The following ZNF8 variants were observed in gnomAD, a reference collection of about 807,000 sequenced individuals.
ZNF8 encodes zinc finger protein 272.
A neutral mutation model predicts 12.2 loss-of-function variants in ZNF8; 9 were observed. That is an observed-to-expected ratio of 0.73 (90% CI 0.44 to 1.28). The LOEUF is 1.28. Among genes scored for constraint, ZNF8 ranks in the 50% most tolerant of loss-of-function variants. The pLI is 0.00. For missense variants in ZNF8, 664 were observed against 729.1 expected (o/e 0.91, Z 1.03); for synonymous variants, 274 against 282.3 (o/e 0.97, Z 0.30).
rs775410674 is a variant in ZNF8, at chr19:58,294,984, C to G, written c.1176C>G (p.Thr392=). 3.7e-5 allele frequency: 60 copies of G among 1,613,966 alleles called. No individual in the cohort carries two copies. In the South Asian group the frequency reaches 4.7e-4, roughly 13 times the overall value. Residue 392 remains threonine, a synonymous_variant, in exon 4 of 4, where the codon ACC becomes ACG. Transcript: ENST00000621650. This position sits in a 1 kb window ranked among gnomAD's most constrained non-coding sequence, Gnocchi z 5.5. ...TCLFLHLRTH[T]EERPYECNHC... ...TTTTCCTGCACCTGAGAACTCACAC[C>G]GAGGAGAGGCCCTACGAGTGTAACC...
intron 3 of ZNF8, among the ~76,000 whole-genome samples, chr19:58,291,469 G>A (rs1440754240): frequency 6.6e-6 from 1 of 152,146 alleles, no homozygotes; most frequent in African/African-American, 2.4e-5. Context: ...AGCAGGCAGC[G>A]TTAGTCTTGG....
intron 3 of ZNF8, among the ~76,000 whole-genome samples, chr19:58,289,499 GAAA>G (rs34989877): frequency 2.4e-5 from 2 of 83,170 alleles, no homozygotes; most frequent in Admixed American, 1.2e-4. Flanking sequence ...CTGTCTCAAA[GAAA>G]AAAAAAAAAA....
intron 1 of ZNF8, among the ~76,000 whole-genome samples, chr19:58,284,730 T>A (rs1328339707): frequency 2.6e-5 from 4 of 152,224 alleles, no homozygotes; most frequent in Non-Finnish European, 4.4e-5. Flanking sequence ...GCTCCTGTAG[T>A]CCCAGCTACT....
At chr19:58,284,883 C>T (rs1028761949) in intron 1 of ZNF8, among the ~76,000 whole-genome samples, 9 of 152,072 alleles carry the variant, frequency 5.9e-5, no homozygotes, top group Admixed American at 1.3e-4. Flanking sequence ...AAAAATCTGA[C>T]CTAATTTTCA....
chr19:58,293,704 G>A (rs574751086), intron 3 of ZNF8, among the ~76,000 whole-genome samples: 2 of 152,320 alleles, frequency 1.3e-5, no homozygotes, highest in South Asian at 2.1e-4. Context: ...AAAGGGCCAG[G>A]AATGCAGGCA....
intron 1 of ZNF8, chr19:58,279,567 C>T (rs1206591071): frequency 6.5e-7 from 1 of 1,529,748 alleles, no homozygotes; most frequent in Non-Finnish European, 8.7e-7. Context: ...TGCTTTAACG[C>T]GTGGAGTCAG....
In ZNF8 at chr19:58,294,015, A is replaced by G. The variant is rs78550677; in HGVS notation, c.290-83A>G. ...GGCAGCTGGTTAGGACCCCATTTCA[A>G]TATCAGGCCTATGGTGTTGGAGGCC... On this transcript the variant is annotated intron_variant, in intron 3 of 3. Transcript: ENST00000621650. This position sits in a 1 kb window ranked among gnomAD's most constrained non-coding sequence, Gnocchi z 5.5. The G allele has an allele frequency of 1.1e-3, 1,478 of 1,308,578 alleles. 15 individuals are homozygous for G. In the African/African-American group the frequency reaches 0.02, roughly 18 times the overall value. 81.1% of individuals were successfully genotyped at this position (1,308,578 alleles called of 1,614,324 possible).
At chr19:58,287,125 G>A (rs1051986190) in intron 3 of ZNF8, among the ~76,000 whole-genome samples, 5 of 151,994 alleles carry the variant, frequency 3.3e-5, no homozygotes, top group African/African-American at 1.2e-4. Flanking sequence ...CTGCAGCCTT[G>A]ACCTCCCTAG....
Position 58,296,094 on chromosome 19 carries a change from T to C in ZNF8, c.*558T>C, listed in dbSNP as rs2051453243. 1 of 152,658 alleles carries C rather than the reference T, an allele frequency of 6.6e-6. No homozygotes were observed. Among genetic ancestry groups the C allele is most frequent in the South Asian group, 2.1e-4 (1 of 4,836 alleles). 9.5% of individuals were successfully genotyped at this position (152,658 alleles called of 1,614,324 possible). A position where few individuals can be genotyped will look rare whatever the true frequency, so the allele number is the denominator to read the frequency against. The stretch of plus-strand genomic sequence containing the variant: ...TTTAACAACATAATATGCTATTGCA[T>C]TTCTGGGAAATTCTGGGTAAATTCC... On this transcript the variant is annotated 3_prime_UTR_variant, in exon 4 of 4. Transcript: ENST00000621650.
At chr19:58,279,699 C>A in intron 1 of ZNF8, 1 of 1,528,288 alleles carries the variant, frequency 6.5e-7, no homozygotes, top group Non-Finnish European at 8.8e-7. Context: ...CAGGGTCGTC[C>A]CCTGCGAGAC....
rs563030675 is a variant in ZNF8 at position 58,284,689 on chromosome 19, A to C, written c.67-1028A>C. 2.1e-3 allele frequency among the ~76,000 whole-genome samples: 316 copies of C among 152,122 alleles called. 3 individuals carry two copies. The highest frequency in any genetic ancestry group is 3.2e-3 in the Non-Finnish European group (220 of 67,974). On this transcript the variant is annotated intron_variant, in intron 1 of 3. Transcript: ENST00000621650. ...CATGGTAAAACCCCATCTCTACTAA[A>C]AATACAAAAATTAGCCGGGCGTGGT...
intron 1 of ZNF8, chr19:58,279,399 G>T (rs974324921): frequency 6.9e-7 from 1 of 1,444,688 alleles, no homozygotes; most frequent in African/African-American, 1.4e-5. Context: ...GGCTGGGGTC[G>T]GTCATTCCCG....
Position 58,295,032 on chromosome 19 carries a change from C to G in ZNF8, c.1224C>G (p.His408Gln). 1 of 1,614,064 alleles carries G rather than the reference C, an allele frequency of 6.2e-7. No individual in the cohort carries two copies. Among genetic ancestry groups the G allele is most frequent in the Non-Finnish European group, 8.5e-7 (1 of 1,179,964 alleles). ...ECNHCGKGFR[H>Q]SSSLAQHQRK... ...ACCACTGCGGGAAGGGCTTCAGGCACAGCTCATCCCTGGCCCAGCACCAGC... is the reference window on the plus strand; with the variant it reads ...ACCACTGCGGGAAGGGCTTCAGGCAGAGCTCATCCCTGGCCCAGCACCAGC... Residue 408 changes from histidine to glutamine, a missense_variant, in exon 4 of 4, where the codon CAC becomes CAG. Physicochemically the swap from His to Gln is conservative, Grantham distance 24 (BLOSUM62 0). Around this residue, in one of 3 missense-constraint regions of ZNF8, gnomAD observed 225 missense variants for 222.0 expected, o/e 1.01. Coordinates refer to ENST00000621650, the MANE Select transcript of ZNF8 (RefSeq NM_021089.3).
chr19:58,287,108 C>T (rs1031528243), intron 3 of ZNF8, among the ~76,000 whole-genome samples: 1 of 152,250 alleles, frequency 6.6e-6, no homozygotes, highest in South Asian at 2.1e-4. Flanking sequence ...GGCGTAATCA[C>T]GGTTCACTGC....
chr19:58,279,592 G>T, intron 1 of ZNF8: 1 of 1,533,184 alleles, frequency 6.5e-7, no homozygotes, highest in South Asian at 1.2e-5. Flanking sequence ...CACCCACCGG[G>T]ACCCCAGCAC....
At chr19:58,279,736 T>C (rs2051335934) in intron 1 of ZNF8, 1 of 1,515,310 alleles carries the variant, frequency 6.6e-7, no homozygotes, top group East Asian at 2.6e-5. Context: ...TGCAGGGCGG[T>C]CAGTGTTTGC....
intron 1 of ZNF8, chr19:58,279,947 T>G (rs567159523): frequency 3.2e-5 from 33 of 1,018,936 alleles, no homozygotes; most frequent in Middle Eastern, 8.6e-4. Context: ...GTACACAAAG[T>G]GAGACTTGAT....
intron 3 of ZNF8, among the ~76,000 whole-genome samples, chr19:58,291,060 C>T (rs953728881): frequency 1.3e-5 from 2 of 152,142 alleles, no homozygotes; most frequent in African/African-American, 4.8e-5. Context: ...TGAAGAATCC[C>T]TGTCCAGGCA....
chr19:58,282,013 T>A (rs570137861), intron 1 of ZNF8, among the ~76,000 whole-genome samples: 1 of 152,268 alleles, frequency 6.6e-6, no homozygotes, highest in South Asian at 2.1e-4. Context: ...TTTGGGAAGC[T>A]GAGGTGGGAG....
Sources: gnomAD v4.1 joint callset for allele counts (sites outside exome capture counted in the v4.1 genomes callset) on GRCh38, gnomAD v4.1.1 for gene constraint, gnomAD v4.1.1 regional missense constraint, Gnocchi (gnomAD v3.1) non-coding constraint, MANE v1.5 for transcripts, NCBI Gene and HGNC (gene_info 2026-07-23, HGNC 2026-07-21) for gene names.